CCDC171: variants seen among roughly 807,000 people sequenced by gnomAD.
CCDC171 encodes coiled-coil domain-containing protein 171.
CCDC171 carries 177 observed loss-of-function variants against 168.2 expected under a neutral mutation model. The ratio of observed to expected loss-of-function variants is 1.05; its 90% confidence interval spans 0.93 to 1.19. The LOEUF (loss-of-function observed/expected upper bound fraction) is 1.19. Among genes scored for constraint, CCDC171 ranks in the 50% most tolerant of loss-of-function variants. The pLI is 0.00. For synonymous variants in CCDC171, 687 were observed against 540.8 expected (o/e 1.27, Z -3.75); for missense variants, 1,991 against 1,539.0 (o/e 1.29, Z -4.91).
At chr9:15,858,264 C>T (rs1431352557) in intron 23 of CCDC171, among the ~76,000 whole-genome samples, 2 of 152,022 alleles carry the variant, frequency 1.3e-5, no homozygotes, top group African/African-American at 2.4e-5. Context: ...AGGTGATCCA[C>T]GTCCTTGGCC....
intron 3 of CCDC171, among the ~76,000 whole-genome samples, chr9:15,980,726 G>C (rs1414370068): frequency 2.0e-5 from 3 of 150,878 alleles, no homozygotes; most frequent in Admixed American, 6.6e-5. Flanking sequence ...TGATATTCTT[G>C]GGTGTTGCTC....
At chr9:16,028,145 G>C (rs1420611842) in intron 6 of CCDC171, among the ~76,000 whole-genome samples, 1 of 152,174 alleles carries the variant, frequency 6.6e-6, no homozygotes, top group Non-Finnish European at 1.5e-5. Context: ...GGTCTGATTG[G>C]AGCCAGGGAC....
intron 25 of CCDC171, among the ~76,000 whole-genome samples, chr9:15,947,651 T>C (rs1162830977): frequency 6.6e-6 from 1 of 151,952 alleles, no homozygotes; most frequent in Non-Finnish European, 1.5e-5. Flanking sequence ...CAATTGTGAA[T>C]AATGTTCCTA....
At chr9:15,600,583 C>A (rs200564456) in intron 6 of CCDC171, among the ~76,000 whole-genome samples, 4 of 151,938 alleles carry the variant, frequency 2.6e-5, no homozygotes, top group African/African-American at 9.7e-5. Context: ...CTCGGGGGTC[C>A]GGGACCCACT....
At chr9:15,809,553 A>G (rs566564815) in intron 21 of CCDC171, among the ~76,000 whole-genome samples, 1 of 152,228 alleles carries the variant, frequency 6.6e-6, no homozygotes, top group Admixed American at 6.5e-5. Context: ...CGCTGACTTC[A>G]GGAGTGGAGC....
rs1015595395 is a variant in CCDC171 at position 15,972,802 on chromosome 9, T to C, written c.*966T>C. 6.6e-6 allele frequency: 1 copy of C among 152,172 alleles called. No individual in the cohort carries two copies. The highest frequency in any genetic ancestry group is 1.5e-5 in the Non-Finnish European group (1 of 68,016). 9.4% of individuals were successfully genotyped at this position (152,172 alleles called of 1,614,324 possible). The stretch of plus-strand genomic sequence containing the variant: ...GCCTTGTAGCACACAAAAGTAAAAT[T>C]GTATGTCAGGCCGAGATGTCGGGGA... On this transcript the variant is annotated 3_prime_UTR_variant, in exon 26 of 26. Transcript: ENST00000380701.
At chr9:15,563,753 T>C (rs2039501858) in intron 1 of CCDC171, among the ~76,000 whole-genome samples, 1 of 152,214 alleles carries the variant, frequency 6.6e-6, no homozygotes, top group Non-Finnish European at 1.5e-5. Context: ...TGGATCTATA[T>C]GTAGGAGCTG....
At chr9:15,824,080 C>G (rs1405312609) in intron 21 of CCDC171, among the ~76,000 whole-genome samples, 1 of 151,950 alleles carries the variant, frequency 6.6e-6, no homozygotes, top group Non-Finnish European at 1.5e-5. Flanking sequence ...TTTTTCCAAG[C>G]TTTACAAGAA....
intron 24 of CCDC171, chr9:15,875,439 G>A (rs1052190205): frequency 3.3e-5 from 5 of 151,534 alleles, no homozygotes; most frequent in African/African-American, 1.2e-4. Context: ...ATGAAATTCA[G>A]TGTGTCCTTT....
At chr9:15,632,941 A>C (rs971650868) in intron 7 of CCDC171, among the ~76,000 whole-genome samples, 1 of 152,236 alleles carries the variant, frequency 6.6e-6, no homozygotes. Flanking sequence ...CTGTTTAATA[A>C]ATGGTGCTGG....
chr9:15,588,418 G>A, intron 4 of CCDC171: 2 of 289,654 alleles, frequency 6.9e-6, no homozygotes, highest in Non-Finnish European at 1.4e-5. Context: ...GAGAAGATCT[G>A]CAAGGTTGTC....
Position 15,671,340 on chromosome 9 carries a change from T to A in CCDC171, c.1076+5017T>A, listed in dbSNP as rs551827824. ...TTCCAGTCTGGAAAAGTTTTTTTTT[T>A]AAATTTATTTTTATCTTTATTTTTT... On this transcript the variant is annotated intron_variant, in intron 9 of 25. Transcript: ENST00000380701. Among the ~76,000 whole-genome samples the A allele has an allele frequency of 1.5e-3, 229 of 152,128 alleles. 2 individuals carry two copies. Among genetic ancestry groups the A allele is most frequent in the African/African-American group, 5.0e-3 (206 of 41,486 alleles).
At chr9:15,983,500 G>GTA in intron 3 of CCDC171, among the ~76,000 whole-genome samples, 1 of 143,360 alleles carries the variant, frequency 7.0e-6, no homozygotes, top group Non-Finnish European at 1.5e-5. Flanking sequence ...GTGTGTGTGT[G>GTA]TGTGTGTGTG....
At chr9:15,613,522 CTTTTCT>C (rs1564052405) in intron 6 of CCDC171, among the ~76,000 whole-genome samples, 6 of 148,418 alleles carry the variant, frequency 4.0e-5, no homozygotes, top group Non-Finnish European at 6.0e-5. Context: ...TTCTTTTTTT[CTTTTCT>C]TTTTTTTTTT....
At chr9:15,776,346 A>T (rs1335781040) in intron 18 of CCDC171, 1 of 152,122 alleles carries the variant, frequency 6.6e-6, no homozygotes, top group African/African-American at 2.4e-5. Flanking sequence ...TATTTTCATT[A>T]TACTTTGTCT....
In CCDC171 at chr9:15,874,673, T is replaced by C. The variant is rs1563918067; in HGVS notation, c.3600+10T>C. 1 of 1,557,514 alleles carries C rather than the reference T, an allele frequency of 6.4e-7. No individual in the cohort carries two copies. Among genetic ancestry groups the C allele is most frequent in the South Asian group, 1.2e-5 (1 of 82,074 alleles). On this transcript the variant is annotated intron_variant, in intron 24 of 25. Coordinates refer to ENST00000380701, the MANE Select transcript of CCDC171 (RefSeq NM_173550.4). ...GGTGGTAGCATGCCAGGTTAGAGTC[T>C]AAATAACATTGTTTGCTACTGAGAC...
intron 16 of CCDC171, among the ~76,000 whole-genome samples, chr9:15,743,138 C>CTTTTTTTTTTTTTTTTT (rs66642691): frequency 2.7e-5 from 2 of 73,270 alleles, no homozygotes; most frequent in African/African-American, 5.7e-5. Context: ...CTGTTACCTT[C>CTTTTTTTTTTTTTTTTT]TTTTTTTTTT....
chr9:15,565,941 C>G (rs902072889), intron 2 of CCDC171, among the ~76,000 whole-genome samples: 3 of 152,300 alleles, frequency 2.0e-5, no homozygotes, highest in Non-Finnish European at 4.4e-5. Context: ...AAATTGTGTT[C>G]TGAAGTGGCT....
At chr9:15,715,165 A>G (rs1316027214) in intron 11 of CCDC171, among the ~76,000 whole-genome samples, 2 of 152,212 alleles carry the variant, frequency 1.3e-5, no homozygotes, top group African/African-American at 4.8e-5. Flanking sequence ...CGTTACTAAT[A>G]TATTTCTCAA....
Sources: gnomAD v4.1 joint callset for allele counts (sites outside exome capture counted in the v4.1 genomes callset) on GRCh38, gnomAD v4.1.1 for gene constraint, MANE v1.5 for transcripts, NCBI Gene and HGNC (gene_info 2026-07-23, HGNC 2026-07-21) for gene names.